The following TSPEAR variants were observed in gnomAD, a reference collection of about 807,000 sequenced individuals.
TSPEAR encodes thrombospondin type laminin G domain and EAR repeats.
Under a neutral mutation model 71.6 loss-of-function variants are expected in TSPEAR, and 69 were observed. That is an observed-to-expected ratio of 0.96 (90% CI 0.79 to 1.18). The LOEUF (loss-of-function observed/expected upper bound fraction) is 1.18, where lower values mean the gene tolerates loss of function less well. Among genes scored for constraint, TSPEAR ranks in the 50% most tolerant of loss-of-function variants. The pLI, the probability that TSPEAR is intolerant of heterozygous loss-of-function variation, is 0.00. For synonymous variants in TSPEAR, 402 were observed against 387.2 expected, an observed-to-expected ratio of 1.04 and a Z score of -0.45; for missense variants, 971 against 894.9, an observed-to-expected ratio of 1.09 and a Z score of -1.09.
intron 1 of TSPEAR, among the ~76,000 whole-genome samples, chr21:44,685,811 C>T (rs577217829): frequency 6.6e-6 from 1 of 152,336 alleles, no homozygotes; most frequent in East Asian, 1.9e-4. Context: ...TGCACCTCTG[C>T]AGTGGTGCAG....
intron 1 of TSPEAR, chr21:44,600,675 C>T (rs781850911): frequency 8.4e-5 from 135 of 1,613,656 alleles, no homozygotes; most frequent in Non-Finnish European, 1.1e-4. Context: ...ACGGCAGCCG[C>T]GTCTGCCTTC....
chr21:44,573,656 A>G, intron 1 of TSPEAR: 1 of 1,540,950 alleles, frequency 6.5e-7, no homozygotes, highest in Non-Finnish European at 8.8e-7. Context: ...AACATGCACC[A>G]AGGAGGAGTA....
At position 44,623,619 on chromosome 21, in the gene TSPEAR, A is replaced by G. The variant is rs951564380; in HGVS notation, c.83-55614T>C. 6.6e-6 allele frequency among the ~76,000 whole-genome samples: 1 copy of G among 152,154 alleles called. No homozygotes were observed. The highest frequency in any genetic ancestry group is 1.5e-5 in the Non-Finnish European group (1 of 68,028). ...CTGTAGTGCAGATCCTACTGGTGAC[A>G]CAACCTCTCAGCATCCAGAGAACAT... On this transcript the variant is annotated intron_variant, in intron 1 of 11. Transcript: ENST00000323084. The surrounding 1 kb of genome is among the most constrained non-coding windows in gnomAD (Gnocchi z 4.5).
intron 9 of TSPEAR, among the ~76,000 whole-genome samples, chr21:44,512,161 G>GCTGGGGCGGGCCTACAGGGC (rs2052404764): frequency 6.6e-6 from 1 of 152,222 alleles, no homozygotes; most frequent in Non-Finnish European, 1.5e-5. Flanking sequence ...CGGAGCAGGG[G>GCTGGGGCGGGCCTACAGGGC]CTGGGGCGGG....
rs148854158 is a variant in TSPEAR, at chr21:44,582,838, C to CT, written c.83-14834dup. On this transcript the variant is annotated intron_variant, in intron 1 of 11. Transcript: ENST00000323084. ...TCTTTCTTTCTTTTCTTCCTTCTTTCTTTCTTTTCTTTTTTGACACACAGT... is the reference window on the plus strand; with the variant it reads ...TCTTTCTTTCTTTTCTTCCTTCTTTCTTTTCTTTTCTTTTTTGACACACAGT... Among the ~76,000 whole-genome samples the CT allele has an allele frequency of 2.8e-3, 424 of 150,822 alleles. 3 individuals are homozygous for CT. Among genetic ancestry groups the CT allele is most frequent in the African/African-American group, 9.3e-3 (382 of 40,942 alleles).
At chr21:44,597,160 AAAAAAATT>A (rs1555927704) in intron 1 of TSPEAR, among the ~76,000 whole-genome samples, 1 of 151,926 alleles carries the variant, frequency 6.6e-6, no homozygotes, top group Non-Finnish European at 1.5e-5. Context: ...TCTGCCAGTT[AAAAAAATT>A]AAAAAACAGT....
intron 2 of TSPEAR, chr21:44,557,688 GCC>G: frequency 6.8e-6 from 2 of 292,364 alleles, no homozygotes; most frequent in Non-Finnish European, 1.3e-5. Context: ...GGTGCTGTCA[GCC>G]TGGATGCAGC....
At chr21:44,551,154 G>A (rs2053422287) in intron 2 of TSPEAR, 11 of 1,563,378 alleles carry the variant, frequency 7.0e-6, no homozygotes, top group Non-Finnish European at 7.9e-6. Flanking sequence ...GCAGCAGACG[G>A]GCACGCAGCA....
Position 44,695,094 on chromosome 21 carries a change from C to T in TSPEAR, c.82+16339G>A, listed in dbSNP as rs1166720028. Among the ~76,000 whole-genome samples, 4 of 152,198 alleles carry T rather than the reference C, an allele frequency of 2.6e-5. No homozygotes were observed. The highest frequency in any genetic ancestry group is 4.8e-5 in the African/African-American group (2 of 41,452). On this transcript the variant is annotated intron_variant, in intron 1 of 11. Transcript: ENST00000323084. This position sits in a 1 kb window ranked among gnomAD's most constrained non-coding sequence, Gnocchi z 4.5. ...GTGTTTAACCCAGATGTCCCCAGAT[C>T]CTCTGGCCTTCTGAGGTCACTCTTT... is the stretch of plus-strand genomic sequence containing the variant.
intron 2 of TSPEAR, among the ~76,000 whole-genome samples, chr21:44,562,487 A>T (rs2053651096): frequency 6.6e-6 from 1 of 152,212 alleles, no homozygotes. Flanking sequence ...TTCCAAAATT[A>T]TTGAAAAACA....
Position 44,498,567 on chromosome 21 carries a change from G to A in TSPEAR, c.*1216C>T, listed in dbSNP as rs1315028225. ...TTTATTATTTGCCAGACAAGGGGAG[G>A]CTTCCATTTCATTACGAAAGGTCAG... is the stretch of plus-strand genomic sequence containing the variant. On this transcript the variant is annotated 3_prime_UTR_variant, in exon 12 of 12. Coordinates refer to ENST00000323084, the MANE Select transcript of TSPEAR (RefSeq NM_144991.3). 1 of 152,248 alleles carries A rather than the reference G, an allele frequency of 6.6e-6. No homozygotes were observed. The highest frequency in any genetic ancestry group is 1.5e-5 in the Non-Finnish European group (1 of 68,052). The allele number at this position is 152,248 out of a possible 1,614,324, so 9.4% of individuals were successfully genotyped here.
chr21:44,592,186 C>A (rs1569206845), intron 1 of TSPEAR: 1 of 1,584,174 alleles, frequency 6.3e-7, no homozygotes, highest in African/African-American at 1.4e-5. Flanking sequence ...GGAGGAGGCA[C>A]AGCAAGCCAG....
intron 1 of TSPEAR, chr21:44,637,798 C>T (rs1983729271): frequency 1.5e-6 from 2 of 1,367,862 alleles, no homozygotes; most frequent in Non-Finnish European, 2.0e-6. Context: ...CTTCATGCTG[C>T]CAGCAGTCTA....
chr21:44,627,383 G>A, intron 1 of TSPEAR: 1 of 1,613,890 alleles, frequency 6.2e-7, no homozygotes, highest in Non-Finnish European at 8.5e-7. Flanking sequence ...CAATCAGGCT[G>A]CACCAGCTCC....
At chr21:44,689,240 C>T (rs1001118304) in intron 1 of TSPEAR, among the ~76,000 whole-genome samples, 4 of 152,178 alleles carry the variant, frequency 2.6e-5, no homozygotes, top group Admixed American at 2.0e-4. Flanking sequence ...CGGTGGCTCA[C>T]GCCTGTAATC....
At chr21:44,674,118 C>CA (rs35708048) in intron 1 of TSPEAR, among the ~76,000 whole-genome samples, 65,491 of 136,694 alleles carry the variant, frequency 0.48, 15,459 homozygotes, top group South Asian at 0.59. Flanking sequence ...GACTCCATCT[C>CA]AAAAAAAAAA....
At chr21:44,569,348 C>T (rs1335994392) in intron 1 of TSPEAR, among the ~76,000 whole-genome samples, 16 of 152,082 alleles carry the variant, frequency 1.1e-4, no homozygotes, top group African/African-American at 3.1e-4. Flanking sequence ...CAGGGTGTAA[C>T]GGGCACTTAC....
In TSPEAR at chr21:44,499,362, G is replaced by T. The variant is rs1555910840; in HGVS notation, c.*421C>A. 5.7e-6 allele frequency: 1 copy of T among 176,046 alleles called. No homozygotes were observed. Among genetic ancestry groups the T allele is most frequent in the African/African-American group, 2.4e-5 (1 of 41,852 alleles). The allele number at this position is 176,046 out of a possible 1,614,324, so 10.9% of individuals were successfully genotyped here. On this transcript the variant is annotated 3_prime_UTR_variant, in exon 12 of 12. Coordinates refer to ENST00000323084, the MANE Select transcript of TSPEAR (RefSeq NM_144991.3). Reference sequence around the variant, plus strand: ...GATAAAACACAATAAATAGGTGGCGGCAATGGCGGGACGGCACCACACCTG... The same window carrying T: ...GATAAAACACAATAAATAGGTGGCGTCAATGGCGGGACGGCACCACACCTG...
In TSPEAR at chr21:44,499,848, C is replaced by T. The variant is rs782561850; in HGVS notation, c.1945G>A (p.Ala649Thr). ...TTGGCGCTGGAGTAGATGAGGTAGGCACCAGCCGTGGTGCTGAAGGCCTCC... is the reference window on the plus strand; with the variant it reads ...TTGGCGCTGGAGTAGATGAGGTAGGTACCAGCCGTGGTGCTGAAGGCCTCC... The part of the protein sequence containing the change: ...DWEAFSTTAG[A>T]YLIYSSAKEP... Residue 649 changes from alanine to threonine, a missense_variant, in exon 12 of 12, where the codon GCC (alanine) becomes ACC (threonine). Ala to Thr is a moderately conservative substitution (Grantham distance 58, BLOSUM62 0). Coordinates refer to ENST00000323084, the MANE Select transcript of TSPEAR (RefSeq NM_144991.3). 3 of 1,598,878 alleles carry T rather than the reference C, an allele frequency of 1.9e-6. No individual in the cohort carries two copies. The highest frequency in any genetic ancestry group is 1.1e-5 in the South Asian group (1 of 88,474).
Sources: allele counts gnomAD v4.1 joint callset (sites outside exome capture counted in the v4.1 genomes callset), GRCh38; gene constraint gnomAD v4.1.1; non-coding constraint Gnocchi (gnomAD v3.1); transcripts MANE v1.5; gene names NCBI Gene and HGNC (gene_info 2026-07-23, HGNC 2026-07-21).